The following GALNTL6 variants were observed in gnomAD, a reference collection of about 807,000 sequenced individuals.
GALNTL6 encodes the protein polypeptide N-acetylgalactosaminyltransferase like 6.
A neutral mutation model predicts 73.7 loss-of-function variants in GALNTL6; 46 were observed. The ratio of observed to expected loss-of-function variants is 0.62; its 90% confidence interval spans 0.49 to 0.80. The LOEUF is 0.80. GALNTL6 is among the 30% of genes least tolerant of loss of function. GALNTL6 has a pLI of 0.00. For synonymous variants in GALNTL6, 259 were observed against 263.7 expected (o/e 0.98, Z 0.17); for missense variants, 604 against 755.0 (o/e 0.80, Z 2.34).
intron 2 of GALNTL6, among the ~76,000 whole-genome samples, chr4:172,168,214 A>T (rs1042038302): frequency 1.3e-5 from 2 of 152,150 alleles, no homozygotes; most frequent in Non-Finnish European, 2.9e-5. Flanking sequence ...CCATTTGAAG[A>T]TGTATTAAAA....
At chr4:172,228,913 A>G (rs1018253862) in intron 2 of GALNTL6, among the ~76,000 whole-genome samples, 29 of 152,336 alleles carry the variant, frequency 1.9e-4, no homozygotes, top group African/African-American at 6.7e-4. Flanking sequence ...CATAAACTAT[A>G]TTTTGTGACT....
rs544119728 is a variant in GALNTL6 at position 172,467,258 on chromosome 4, C to T, written c.553+118569C>T. On this transcript the variant is annotated intron_variant, in intron 5 of 12. Transcript: ENST00000506823. ...ATGTATACAAATTGTTCTAAAACCA[C>T]TAGCATGATTGAATCAATTAGCTAC... 3.8e-4 allele frequency among the ~76,000 whole-genome samples: 58 copies of T among 152,340 alleles called. 1 individual carries two copies. Among genetic ancestry groups the T allele is most frequent in the African/African-American group, 1.3e-3 (54 of 41,580 alleles).
At chr4:172,733,764 C>G (rs1286313670) in intron 5 of GALNTL6, among the ~76,000 whole-genome samples, 1 of 152,176 alleles carries the variant, frequency 6.6e-6, no homozygotes, top group East Asian at 1.9e-4. Flanking sequence ...ACTGTGATTT[C>G]AAAAACTTCT....
At chr4:172,487,237 G>GTCTT (rs746837339) in intron 5 of GALNTL6, among the ~76,000 whole-genome samples, 2 of 138,252 alleles carry the variant, frequency 1.4e-5, no homozygotes, top group Admixed American at 7.3e-5. Context: ...CTTCCTTCCT[G>GTCTT]TCTTTCTTTC....
At chr4:172,636,955 T>G (rs1001103581) in intron 5 of GALNTL6, among the ~76,000 whole-genome samples, 2 of 152,178 alleles carry the variant, frequency 1.3e-5, no homozygotes, top group African/African-American at 4.8e-5. Context: ...TGGGAAGAAA[T>G]TGGTACAATG....
chr4:172,685,409 C>A (rs1447060286), intron 5 of GALNTL6, among the ~76,000 whole-genome samples: 2 of 151,998 alleles, frequency 1.3e-5, no homozygotes, highest in African/African-American at 4.8e-5. Flanking sequence ...GAAAATGTAT[C>A]CCCTTTTTAG....
At chr4:172,470,313 C>T (rs1381791314) in intron 5 of GALNTL6, among the ~76,000 whole-genome samples, 1 of 152,156 alleles carries the variant, frequency 6.6e-6, no homozygotes, top group Non-Finnish European at 1.5e-5. Context: ...AAAGGTCACA[C>T]TTAACTAGTG....
chr4:172,600,003 A>T (rs1197804513), intron 5 of GALNTL6, among the ~76,000 whole-genome samples: 1 of 152,188 alleles, frequency 6.6e-6, no homozygotes, highest in Admixed American at 6.6e-5. Flanking sequence ...GCAAATTTTG[A>T]AAATGAAACG....
intron 2 of GALNTL6, among the ~76,000 whole-genome samples, chr4:172,044,474 T>C (rs2110845983): frequency 6.6e-6 from 1 of 151,978 alleles, no homozygotes; most frequent in East Asian, 1.9e-4. Context: ...AGAATGTCAA[T>C]TTTATCTTCA....
chr4:172,930,236 C>T (rs906353666), intron 8 of GALNTL6, among the ~76,000 whole-genome samples: 1 of 151,942 alleles, frequency 6.6e-6, no homozygotes, highest in Admixed American at 6.6e-5. Flanking sequence ...TGAGATCACA[C>T]CATTGCACTC....
chr4:172,479,514 G>A (rs544720470), intron 5 of GALNTL6, among the ~76,000 whole-genome samples: 2 of 152,122 alleles, frequency 1.3e-5, no homozygotes, highest in South Asian at 2.1e-4. Flanking sequence ...GGCACACAAA[G>A]GTATACACAG....
chr4:172,737,649 T>A (rs1289048796), intron 5 of GALNTL6, among the ~76,000 whole-genome samples: 1 of 152,198 alleles, frequency 6.6e-6, no homozygotes, highest in African/African-American at 2.4e-5. Flanking sequence ...TTTGGAGAGA[T>A]CATGGTTTTC....
chr4:172,899,670 C>G (rs778413753), intron 8 of GALNTL6, among the ~76,000 whole-genome samples: 2 of 151,982 alleles, frequency 1.3e-5, no homozygotes, highest in East Asian at 1.9e-4. Context: ...AAGGCAAACC[C>G]GTAGAGTACA....
At chr4:172,094,987 C>T (rs1732310582) in intron 2 of GALNTL6, among the ~76,000 whole-genome samples, 1 of 147,458 alleles carries the variant, frequency 6.8e-6, no homozygotes, top group Non-Finnish European at 1.5e-5. Flanking sequence ...TGGACCACTT[C>T]TCCCACCCTT....
At chr4:172,893,251 C>A (rs1034880784) in intron 8 of GALNTL6, among the ~76,000 whole-genome samples, 1 of 152,120 alleles carries the variant, frequency 6.6e-6, no homozygotes, top group Non-Finnish European at 1.5e-5. Flanking sequence ...ATAGGCCACA[C>A]CCTTCCCAAA....
At chr4:172,342,953 A>C (rs1741621779) in intron 4 of GALNTL6, among the ~76,000 whole-genome samples, 1 of 152,182 alleles carries the variant, frequency 6.6e-6, no homozygotes, top group South Asian at 2.1e-4. Flanking sequence ...TATCTACCAC[A>C]ATGATTGACA....
chr4:172,304,834 C>A (rs2111129962), intron 3 of GALNTL6, among the ~76,000 whole-genome samples: 1 of 152,214 alleles, frequency 6.6e-6, no homozygotes, highest in South Asian at 2.1e-4. Flanking sequence ...GTCTCCCTAG[C>A]CCCGTACTTA....
Position 172,226,436 on chromosome 4 carries a change from A to T in GALNTL6, c.139-3220A>T, listed in dbSNP as rs78886282. 4.3e-3 allele frequency among the ~76,000 whole-genome samples: 651 copies of T among 152,254 alleles called. 7 individuals carry two copies. The highest frequency in any genetic ancestry group is 0.015 in the African/African-American group (624 of 41,548). On this transcript the variant is annotated intron_variant, in intron 2 of 12. Coordinates refer to ENST00000506823, the MANE Select transcript of GALNTL6 (RefSeq NM_001034845.3). ...TTTATACATTGTTTTTGTTTCTTATAGCCTTATCAACTGGCCCACTTTTCA... is the reference window on the plus strand; with the variant it reads ...TTTATACATTGTTTTTGTTTCTTATTGCCTTATCAACTGGCCCACTTTTCA...
chr4:172,613,589 AT>A (rs1157963186), intron 5 of GALNTL6, among the ~76,000 whole-genome samples: 1 of 134,230 alleles, frequency 7.4e-6, no homozygotes, highest in African/African-American at 3.0e-5. Flanking sequence ...TCATAGAAAT[AT>A]TTAAAAAAGG....
Sources: gnomAD v4.1 joint callset for allele counts (sites outside exome capture counted in the v4.1 genomes callset) on GRCh38, gnomAD v4.1.1 for gene constraint, MANE v1.5 for transcripts, NCBI Gene and HGNC (gene_info 2026-07-23, HGNC 2026-07-21) for gene names.